TJP1: variants seen among roughly 807,000 people sequenced by gnomAD.
The protein encoded by TJP1 is tight junction protein 1, also known as tight junction protein ZO-1.
Under a neutral mutation model 194.2 loss-of-function variants are expected in TJP1, and 43 were observed. That is an observed-to-expected ratio of 0.22 (90% CI 0.17 to 0.29). The LOEUF is 0.29. Among genes scored for constraint, TJP1 ranks in the 10% least tolerant of loss-of-function variants. The pLI is 1.00. For synonymous variants in TJP1, 801 were observed against 779.0 expected (o/e 1.03, Z -0.47); for missense variants, 1,971 against 2,185.7 (o/e 0.90, Z 1.96).
chr15:29,952,546 G>A (rs1210249192), intron 2 of TJP1, among the ~76,000 whole-genome samples: 2 of 152,046 alleles, frequency 1.3e-5, no homozygotes, highest in Non-Finnish European at 2.9e-5. Flanking sequence ...CTGGGACCAG[G>A]AAACTACAGC....
rs1472574240 is a variant in TJP1 at position 29,731,079 on chromosome 15, C to CCTTTTTTTTTTTTT, written c.2017+1353_2017+1354insAAAAAAAAAAAAAG. ...TATAAAAATGCAGAATTTTGTTTTA[C>CCTTTTTTTTTTTTT]TTTTTTTTTTTTTTTTTTAAGCTAT... On this transcript the variant is annotated intron_variant, in intron 15 of 27. Coordinates refer to ENST00000614355, the MANE Select transcript of TJP1 (RefSeq NM_001330239.4). The CCTTTTTTTTTTTTT allele has an allele frequency of 1.1e-5, 6 of 545,176 alleles. 2 individuals carry two copies. Among genetic ancestry groups the CCTTTTTTTTTTTTT allele is most frequent in the African/African-American group, 6.5e-5 (3 of 45,938 alleles). 33.8% of individuals were successfully genotyped at this position (545,176 alleles called of 1,614,324 possible).
chr15:29,826,756 C>A (rs1247708312), upstream of TJP1, among the ~76,000 whole-genome samples: 1 of 152,170 alleles, frequency 6.6e-6, no homozygotes, highest in African/African-American at 2.4e-5. Flanking sequence ...CCCCAGGCTA[C>A]CTACCAAGGT....
chr15:29,760,990 G>T, intron 8 of TJP1, 149 bp downstream of exon 8: 1 of 1,053,798 alleles, frequency 9.5e-7, no homozygotes, highest in Non-Finnish European at 1.3e-6. Flanking sequence ...GGTTATTTTA[G>T]ATTTAAAAAA....
At chr15:29,750,600 G>GC (rs918806523) in intron 8 of TJP1, among the ~76,000 whole-genome samples, 5 of 152,084 alleles carry the variant, frequency 3.3e-5, no homozygotes, top group Admixed American at 6.6e-5. Flanking sequence ...CCATTTCATA[G>GC]CCCTTTCCCT....
chr15:29,736,325 T>C (rs1034793861), intron 11 of TJP1, among the ~76,000 whole-genome samples: 8 of 152,010 alleles, frequency 5.3e-5, no homozygotes, highest in African/African-American at 1.9e-4. Context: ...CAGTGGAAGA[T>C]AGATGAAGAA....
intron 2 of TJP1, among the ~76,000 whole-genome samples, chr15:29,850,831 CAAAT>C (rs777752642): frequency 6.6e-6 from 1 of 151,486 alleles, no homozygotes; most frequent in Non-Finnish European, 1.5e-5. Flanking sequence ...TGAGAAAAAA[CAAAT>C]AAGTAATAAA....
intron 2 of TJP1, among the ~76,000 whole-genome samples, chr15:29,863,938 T>C (rs1042212548): frequency 6.6e-6 from 1 of 152,158 alleles, no homozygotes; most frequent in Non-Finnish European, 1.5e-5. Context: ...TGCTGAAGCT[T>C]TGTAAAGTAG....
At chr15:29,763,583 C>A (rs180764686) in intron 5 of TJP1, among the ~76,000 whole-genome samples, 1 of 151,978 alleles carries the variant, frequency 6.6e-6, no homozygotes, top group Non-Finnish European at 1.5e-5. Flanking sequence ...GCCTGGCTAG[C>A]ATGGTAAAAC....
intron 2 of TJP1, among the ~76,000 whole-genome samples, chr15:29,946,749 A>G (rs2152292850): frequency 6.6e-6 from 1 of 152,336 alleles, no homozygotes; most frequent in East Asian, 1.9e-4. Flanking sequence ...ACAAATATTT[A>G]TACTGAGCTG....
upstream of TJP1, chr15:29,823,075 C>T (rs1156748178): frequency 1.3e-5 from 2 of 152,404 alleles, no homozygotes; most frequent in Non-Finnish European, 2.9e-5. Flanking sequence ...CTGAGAAACA[C>T]CCTAGAGACC....
chr15:29,853,318 GAA>G (rs2051717854), intron 2 of TJP1, among the ~76,000 whole-genome samples: 1 of 152,160 alleles, frequency 6.6e-6, no homozygotes, highest in Non-Finnish European at 1.5e-5. Flanking sequence ...CCTGGTGTTG[GAA>G]ACGTTCCATA....
In TJP1 at chr15:29,789,344, T is replaced by C. The variant is rs78030651; in HGVS notation, c.84+11302A>G. On this transcript the variant is annotated intron_variant, in intron 2 of 27. Transcript: ENST00000614355. ...TTTCCAACCCTTGTGAAAGTTATAA[T>C]GTAGTAGGAGATGGGGTAAACAACT... is the stretch of plus-strand genomic sequence containing the variant. 4.0e-3 allele frequency among the ~76,000 whole-genome samples: 611 copies of C among 152,248 alleles called. 14 individuals are homozygous for C. The East Asian group carries it at 0.076, about 19-fold the overall frequency.
At chr15:29,860,083 G>C (rs1018190395) in intron 2 of TJP1, among the ~76,000 whole-genome samples, 4 of 152,148 alleles carry the variant, frequency 2.6e-5, no homozygotes, top group African/African-American at 9.7e-5. Context: ...TTCTTACTGG[G>C]GCTACCTCTA....
intron 8 of TJP1, among the ~76,000 whole-genome samples, chr15:29,750,205 A>G (rs1026668603): frequency 6.6e-6 from 1 of 151,798 alleles, no homozygotes; most frequent in Non-Finnish European, 1.5e-5. Context: ...ACAGGGTTTC[A>G]CCGTGTTAGC....
intron 2 of TJP1, among the ~76,000 whole-genome samples, chr15:29,851,226 A>G (rs531770925): frequency 2.0e-4 from 31 of 152,130 alleles, no homozygotes; most frequent in Middle Eastern, 6.8e-3. Flanking sequence ...AAATTGATAA[A>G]CCTCTAGCAA....
upstream of TJP1, among the ~76,000 whole-genome samples, chr15:29,827,147 G>A (rs2050701563): frequency 6.6e-6 from 1 of 152,230 alleles, no homozygotes; most frequent in Non-Finnish European, 1.5e-5. Context: ...CCTGGCTGGA[G>A]GCAATCTCTT....
intron 2 of TJP1, among the ~76,000 whole-genome samples, chr15:29,935,030 G>A (rs540895344): frequency 6.6e-6 from 1 of 152,296 alleles, no homozygotes; most frequent in African/African-American, 2.4e-5. Flanking sequence ...AATATCTGGA[G>A]AGTGACTGTC....
At chr15:29,920,329 T>C (rs2054316769) in intron 2 of TJP1, among the ~76,000 whole-genome samples, 2 of 152,212 alleles carry the variant, frequency 1.3e-5, no homozygotes, top group East Asian at 1.9e-4. Context: ...TCACAAAATA[T>C]AAGGCTACTC....
At chr15:29,867,081 A>G (rs2052333031) in intron 2 of TJP1, among the ~76,000 whole-genome samples, 1 of 152,234 alleles carries the variant, frequency 6.6e-6, no homozygotes, top group Non-Finnish European at 1.5e-5. Context: ...ACTGGACTTA[A>G]GACATTTATT....
Sources: gnomAD v4.1 joint callset for allele counts (sites outside exome capture counted in the v4.1 genomes callset) on GRCh38, gnomAD v4.1.1 for gene constraint, MANE v1.5 for transcripts, NCBI Gene and HGNC (gene_info 2026-07-23, HGNC 2026-07-21) for gene names.